Variants in ERGIC1 observed in about 807,000 individuals in gnomAD.
The protein encoded by ERGIC1 is endoplasmic reticulum-golgi intermediate compartment 1, also known as endoplasmic reticulum-Golgi intermediate compartment protein 1.
ERGIC1 carries 19 observed loss-of-function variants against 38.3 expected under a neutral mutation model. The observed-to-expected ratio is 0.50, with a 90% CI of 0.35 to 0.73. ERGIC1 has a LOEUF of 0.73. Ranked by LOEUF, ERGIC1 falls within the 30% of genes least tolerant of loss-of-function variation. The pLI, the probability that ERGIC1 is intolerant of heterozygous loss-of-function variation, is 0.01. For missense variants in ERGIC1, 294 were observed against 389.2 expected, an observed-to-expected ratio of 0.76 and a Z score of 2.06; for synonymous variants, 124 against 157.6, an observed-to-expected ratio of 0.79 and a Z score of 1.60.
intron 9 of ERGIC1, among the ~76,000 whole-genome samples, chr5:172,946,892 A>G (rs1296749032): frequency 1.4e-5 from 2 of 144,334 alleles, no homozygotes; most frequent in Non-Finnish European, 3.1e-5. Context: ...TTTTTTTTTT[A>G]AGTCACGGGG....
At chr5:172,921,567 T>A (rs1763520111) in intron 5 of ERGIC1, 1 of 152,266 alleles carries the variant, frequency 6.6e-6, no homozygotes, top group Non-Finnish European at 1.5e-5. Context: ...TGCTGCACGA[T>A]AAGCTATATT....
chr5:172,901,359 CA>C (rs1038318356), intron 3 of ERGIC1, among the ~76,000 whole-genome samples: 1 of 152,188 alleles, frequency 6.6e-6, no homozygotes, highest in Non-Finnish European at 1.5e-5. Context: ...TCCGTGTTTT[CA>C]GGGAGCAGGC....
At chr5:172,904,057 G>A (rs1762959110) in intron 3 of ERGIC1, among the ~76,000 whole-genome samples, 1 of 152,104 alleles carries the variant, frequency 6.6e-6, no homozygotes, top group Non-Finnish European at 1.5e-5. Context: ...GCTTGACCTG[G>A]CAGTCATCCA....
intron 8 of ERGIC1, chr5:172,932,859 A>C (rs1243482706): frequency 9.5e-6 from 3 of 315,064 alleles, no homozygotes; most frequent in Non-Finnish European, 1.8e-5. Flanking sequence ...CGAGTCCTTC[A>C]GACACAGACC....
chr5:172,878,121 G>A (rs1762192256), intron 1 of ERGIC1, among the ~76,000 whole-genome samples: 1 of 152,244 alleles, frequency 6.6e-6, no homozygotes, highest in African/African-American at 2.4e-5. Flanking sequence ...GGTTATCACG[G>A]ATGGGAGAGG....
rs138487062 is a variant in ERGIC1 at position 172,946,779 on chromosome 5, C to A, written c.766-3930C>A. 1.3e-4 allele frequency among the ~76,000 whole-genome samples: 20 copies of A among 152,294 alleles called. No homozygotes were observed. The East Asian group carries it at 3.7e-3, about 28-fold the overall frequency. ...GTCACCTCATGCCAGTCACCTCCTA[C>A]TGACTGCCAGTGTGTCAGGGAGGCC... On this transcript the variant is annotated intron_variant, in intron 9 of 9. Coordinates refer to ENST00000393784, the MANE Select transcript of ERGIC1 (RefSeq NM_001031711.3).
At chr5:172,909,863 A>G in intron 4 of ERGIC1, 102 bp downstream of exon 4, 3 of 1,015,868 alleles carry the variant, frequency 3.0e-6, no homozygotes, top group Non-Finnish European at 4.7e-6. Flanking sequence ...AAGCCAACAT[A>G]TGGTTCTCCC....
rs565096601 is a variant in ERGIC1, at chr5:172,912,076, C to CT, written c.250+2330dup. Reference sequence around the variant, plus strand: ...ACCATATGGGAACCTTCTGGAGTTTCTTTTTTTTTTTTTTTCTAGCTAGTG... The same window carrying CT: ...ACCATATGGGAACCTTCTGGAGTTTCTTTTTTTTTTTTTTTTCTAGCTAGTG... On this transcript the variant is annotated intron_variant, in intron 4 of 9. Coordinates refer to ENST00000393784, the MANE Select transcript of ERGIC1 (RefSeq NM_001031711.3). 8.6e-3 allele frequency among the ~76,000 whole-genome samples: 1,148 copies of CT among 132,730 alleles called. 13 individuals carry two copies. The highest frequency in any genetic ancestry group is 0.024 in the African/African-American group (869 of 36,398). The allele number at this position is 132,730 out of a possible 152,430, so 87.1% of individuals were successfully genotyped here. A position where few individuals can be genotyped will look rare whatever the true frequency, so the allele number is the denominator to read the frequency against.
At chr5:172,877,440 G>GTGTGTGTATA (rs1491234878) in intron 1 of ERGIC1, among the ~76,000 whole-genome samples, 1 of 67,390 alleles carries the variant, frequency 1.5e-5, no homozygotes, top group African/African-American at 5.7e-5. Flanking sequence ...GTGTGTGTGT[G>GTGTGTGTATA]TATATATATA....
At chr5:172,861,919 A>G (rs1466055338) in intron 1 of ERGIC1, among the ~76,000 whole-genome samples, 1 of 152,192 alleles carries the variant, frequency 6.6e-6, no homozygotes, top group Non-Finnish European at 1.5e-5. Context: ...GTTTACCTCA[A>G]GGCCTCGCTT....
intron 1 of ERGIC1, 138 bp from the exon 2 acceptor site, chr5:172,888,561 T>C: frequency 1.4e-6 from 1 of 727,820 alleles, no homozygotes; most frequent in East Asian, 2.7e-5. Flanking sequence ...TTGGAGAAAG[T>C]GTCCTGAAAG....
chr5:172,842,507 G>A (rs1761184562), intron 1 of ERGIC1, among the ~76,000 whole-genome samples: 1 of 152,190 alleles, frequency 6.6e-6, no homozygotes. Context: ...CTGAGATCCT[G>A]ATTTCAATTC....
At chr5:172,921,974 TG>T (rs2113446097) in intron 5 of ERGIC1, among the ~76,000 whole-genome samples, 1 of 152,358 alleles carries the variant, frequency 6.6e-6, no homozygotes, top group Non-Finnish European at 1.5e-5. Flanking sequence ...GTAACCCCCA[TG>T]GTCTGCAAAT....
At chr5:172,879,733 A>G (rs2113214213) in intron 1 of ERGIC1, among the ~76,000 whole-genome samples, 1 of 152,202 alleles carries the variant, frequency 6.6e-6, no homozygotes, top group East Asian at 1.9e-4. Context: ...CAGAGAGAGC[A>G]TGGGATCAAT....
intron 3 of ERGIC1, among the ~76,000 whole-genome samples, chr5:172,908,343 A>AGGGGGGAGGGGG (rs1561729802): frequency 6.9e-4 from 1 of 1,448 alleles, no homozygotes; most frequent in Non-Finnish European, 1.2e-3. Context: ...GGGAGGGGGG[A>AGGGGGGAGGGGG]GGGGGGGGGT....
chr5:172,933,574 C>T (rs1298089437), intron 8 of ERGIC1: 1 of 152,322 alleles, frequency 6.6e-6, no homozygotes, highest in East Asian at 1.9e-4. Context: ...TGAGTCTGCC[C>T]ACCTGCGAGC....
In ERGIC1 at chr5:172,952,428, A is replaced by G. The variant is rs1581596577; in HGVS notation, c.*1612A>G. 9.6e-6 allele frequency: 1 copy of G among 104,460 alleles called. No individual in the cohort carries two copies. Among genetic ancestry groups the G allele is most frequent in the African/African-American group, 3.8e-5 (1 of 26,314 alleles). 6.5% of individuals were successfully genotyped at this position (104,460 alleles called of 1,614,324 possible). ...GAAGGAGTCCCTTTGGTGTGTGAAT[A>G]TGTGTGCCTGTAGAGGGTGGGGCAG... On this transcript the variant is annotated 3_prime_UTR_variant, in exon 10 of 10. Coordinates refer to ENST00000393784, the MANE Select transcript of ERGIC1 (RefSeq NM_001031711.3).
rs928979146 is a variant in ERGIC1, at chr5:172,923,159, G to A, written c.376-846G>A. Among the ~76,000 whole-genome samples the A allele has an allele frequency of 5.8e-4, 56 of 96,388 alleles. 3 individuals are homozygous for A. The highest frequency in any genetic ancestry group is 8.2e-4 in the Non-Finnish European group (35 of 42,862). 63.2% of individuals were successfully genotyped at this position (96,388 alleles called of 152,430 possible). On this transcript the variant is annotated intron_variant, in intron 5 of 9. Coordinates refer to ENST00000393784, the MANE Select transcript of ERGIC1 (RefSeq NM_001031711.3). ...GAGGAGGAGGAGGAGGAGGGTTCCA[G>A]GATCATACCAAGGGTTCTAGTCTGA...
rs1421249812 is a variant in ERGIC1 at position 172,837,628 on chromosome 5, G to T, written c.20+3195G>T. ...CTTGATATGCCAGCTTCAGTGGGCA[G>T]ATTTTCAGCCATTAGTGGAGAAATC... On this transcript the variant is annotated intron_variant, in intron 1 of 9. Transcript: ENST00000393784. The surrounding 1 kb of genome is among the most constrained non-coding windows in gnomAD (Gnocchi z 4.3). Among the ~76,000 whole-genome samples, 2 of 152,218 alleles carry T rather than the reference G, an allele frequency of 1.3e-5. No homozygotes were observed. The highest frequency in any genetic ancestry group is 2.9e-5 in the Non-Finnish European group (2 of 68,036).
Sources: allele counts gnomAD v4.1 joint callset (sites outside exome capture counted in the v4.1 genomes callset), GRCh38; gene constraint gnomAD v4.1.1; non-coding constraint Gnocchi (gnomAD v3.1); transcripts MANE v1.5; gene names NCBI Gene and HGNC (gene_info 2026-07-23, HGNC 2026-07-21).